ADARB2: variants seen among roughly 807,000 people sequenced by gnomAD.
The protein encoded by ADARB2 is adenosine deaminase RNA specific B2 (inactive), also known as inactive double-stranded RNA-specific editase B2.
A neutral mutation model predicts 62.2 loss-of-function variants in ADARB2; 25 were observed. The ratio of observed to expected loss-of-function variants is 0.40; its 90% CI spans 0.29 to 0.56. The LOEUF is 0.56. ADARB2 is among the 20% of genes least tolerant of loss of function. The pLI, the probability that ADARB2 is intolerant of heterozygous loss-of-function variation, is 0.43. For missense variants in ADARB2, 1,071 were observed against 1,077.4 expected (o/e 0.99, Z 0.08); for synonymous variants, 572 against 500.8 (o/e 1.14, Z -1.90).
At chr10:1,380,572 G>T (rs1335977134) in intron 1 of ADARB2, among the ~76,000 whole-genome samples, 1 of 152,200 alleles carries the variant, frequency 6.6e-6, no homozygotes, top group Non-Finnish European at 1.5e-5. Flanking sequence ...TTTTGAGGCT[G>T]AGCCTGTTTT....
chr10:1,304,933 C>T (rs1418880962), intron 3 of ADARB2, among the ~76,000 whole-genome samples: 1 of 123,992 alleles, frequency 8.1e-6, no homozygotes, highest in African/African-American at 2.7e-5. Context: ...AGGAAAGATC[C>T]AAAATTGACA....
At chr10:1,601,158 T>C (rs17156575) in intron 1 of ADARB2, among the ~76,000 whole-genome samples, 1,605 of 152,306 alleles carry the variant, frequency 0.011, 61 homozygotes, top group Admixed American at 0.066. Flanking sequence ...CCGTCCTCTT[T>C]GGAACACCCA....
chr10:1,476,045 G>T (rs1831395818), intron 1 of ADARB2, among the ~76,000 whole-genome samples: 1 of 152,194 alleles, frequency 6.6e-6, no homozygotes. Flanking sequence ...TTTAACAAAA[G>T]AAATGCATTT....
At chr10:1,658,463 C>A (rs1226241265) in intron 1 of ADARB2, among the ~76,000 whole-genome samples, 1 of 151,992 alleles carries the variant, frequency 6.6e-6, no homozygotes, top group South Asian at 2.1e-4. Context: ...TATCTCTTTT[C>A]TCTCTCTGTC....
chr10:1,493,046 G>A (rs948783494), intron 1 of ADARB2, among the ~76,000 whole-genome samples: 5 of 152,174 alleles, frequency 3.3e-5, no homozygotes, highest in African/African-American at 9.7e-5. Context: ...TAAAGTTTGT[G>A]ACATGACATT....
In ADARB2 at chr10:1,255,761, T is replaced by C. The variant is rs1216140471; in HGVS notation, c.1193-13462A>G. 1.3e-5 allele frequency among the ~76,000 whole-genome samples: 2 copies of C among 152,062 alleles called. No homozygotes were observed. The highest frequency in any genetic ancestry group is 1.3e-4 in the Admixed American group (2 of 15,274). ...GCTAGACAGTGTGACCTCATGAGAG[T>C]GGAGGGGATCCCTCCCAAACAGGTC... On this transcript the variant is annotated intron_variant, in intron 4 of 9. Transcript: ENST00000381312. The surrounding 1 kb of genome is among the most constrained non-coding windows in gnomAD (Gnocchi z 4.7).
At chr10:1,220,177 A>ATGATGGTGGTGATGATGATGATGG (rs1830676211) in intron 6 of ADARB2, among the ~76,000 whole-genome samples, 2 of 72,314 alleles carry the variant, frequency 2.8e-5, no homozygotes, top group African/African-American at 1.2e-4. Context: ...GATGGTGGTG[A>ATGATGGTGGTGATGATGATGATGG]TGATGGTGGT....
chr10:1,351,696 C>T (rs1260482257), intron 3 of ADARB2, among the ~76,000 whole-genome samples: 2 of 152,056 alleles, frequency 1.3e-5, no homozygotes, highest in African/African-American at 4.8e-5. Flanking sequence ...AAAACCTAAT[C>T]ACCGTTACCC....
At chr10:1,419,785 G>A (rs755064266) in intron 1 of ADARB2, among the ~76,000 whole-genome samples, 6 of 152,152 alleles carry the variant, frequency 3.9e-5, no homozygotes, top group Non-Finnish European at 5.9e-5. Flanking sequence ...TTAACTAAGC[G>A]CTTGTTAGCT....
rs1832075444 is a variant in ADARB2 at position 1,521,664 on chromosome 10, A to C, written c.101-142504T>G. Among the ~76,000 whole-genome samples the C allele has an allele frequency of 2.0e-5, 3 of 152,274 alleles. No individual in the cohort carries two copies. In the South Asian group the frequency reaches 6.2e-4, roughly 32 times the overall value. On this transcript the variant is annotated intron_variant, in intron 1 of 9. Coordinates refer to ENST00000381312, the MANE Select transcript of ADARB2 (RefSeq NM_018702.4). ...AAAACTTCGATCTCCACCAACTCTT[A>C]TTGCAACCCAGATGTTTCTTTCTGT... is the stretch of plus-strand genomic sequence containing the variant.
intron 3 of ADARB2, among the ~76,000 whole-genome samples, chr10:1,277,952 C>T (rs947678366): frequency 6.9e-6 from 1 of 145,652 alleles, no homozygotes; most frequent in African/African-American, 2.6e-5. Flanking sequence ...TTCCTTCCTT[C>T]CCCTCTTTCT....
At position 1,544,956 on chromosome 10, in the gene ADARB2, T is replaced by TATACACACAC. The variant is rs10526252; in HGVS notation, c.101-165797_101-165796insGTGTGTGTAT. ...ATGTGAAGTCTATAATAGCAAAGTA[T>TATACACACAC]ACACACACACACACACACACACACA... On this transcript the variant is annotated intron_variant, in intron 1 of 9. Transcript: ENST00000381312. Among the ~76,000 whole-genome samples the TATACACACAC allele has an allele frequency of 3.4e-4, 46 of 133,848 alleles. 1 individual carries two copies. Among genetic ancestry groups the TATACACACAC allele is most frequent in the African/African-American group, 8.2e-4 (30 of 36,460 alleles). The allele number at this position is 133,848 out of a possible 152,430, so 87.8% of individuals were successfully genotyped here.
intron 1 of ADARB2, among the ~76,000 whole-genome samples, chr10:1,652,368 G>C (rs978763606): frequency 5.3e-5 from 8 of 152,176 alleles, no homozygotes; most frequent in Non-Finnish European, 1.2e-4. Context: ...AATTCATTCC[G>C]TGTAATCTCA....
Position 1,587,899 on chromosome 10 carries a change from C to T in ADARB2, c.100+149152G>A, listed in dbSNP as rs910696811. 7.9e-5 allele frequency among the ~76,000 whole-genome samples: 12 copies of T among 152,094 alleles called. 1 individual carries two copies. The highest frequency in any genetic ancestry group is 4.1e-4 in the South Asian group (2 of 4,822). ...TTGGCTCTCATTCTCTCTTGACTGCCGCCATGTAAGATGTGCCTTTCATCC... is the reference window on the plus strand; with the variant it reads ...TTGGCTCTCATTCTCTCTTGACTGCTGCCATGTAAGATGTGCCTTTCATCC... On this transcript the variant is annotated intron_variant, in intron 1 of 9. Coordinates refer to ENST00000381312, the MANE Select transcript of ADARB2 (RefSeq NM_018702.4).
intron 4 of ADARB2, among the ~76,000 whole-genome samples, chr10:1,249,969 A>C (rs1186079462): frequency 6.6e-6 from 1 of 151,572 alleles, no homozygotes; most frequent in Non-Finnish European, 1.5e-5. Flanking sequence ...CTCCATTTAT[A>C]ATGGCAGCAA....
intron 3 of ADARB2, among the ~76,000 whole-genome samples, chr10:1,300,414 C>T (rs1831562826): frequency 1.3e-5 from 2 of 152,190 alleles, no homozygotes; most frequent in Admixed American, 1.3e-4. Flanking sequence ...CCCACACCAC[C>T]TCTCCTTGGG....
chr10:1,399,559 G>A (rs957982382), intron 1 of ADARB2, among the ~76,000 whole-genome samples: 1 of 152,122 alleles, frequency 6.6e-6, no homozygotes, highest in Non-Finnish European at 1.5e-5. Context: ...CTGCCTCTCA[G>A]CTTCCCGGGA....
intron 1 of ADARB2, among the ~76,000 whole-genome samples, chr10:1,569,022 C>A (rs1832898738): frequency 6.6e-6 from 1 of 151,732 alleles, no homozygotes; most frequent in Non-Finnish European, 1.5e-5. Flanking sequence ...CACAGAGAGA[C>A]AGAGACAGAG....
chr10:1,709,744 C>A (rs936862830), intron 1 of ADARB2, among the ~76,000 whole-genome samples: 2 of 152,198 alleles, frequency 1.3e-5, no homozygotes, highest in African/African-American at 4.8e-5. Context: ...ATGCCTAGCT[C>A]TTCTTACAGG....
Sources: gnomAD v4.1 joint callset for allele counts (sites outside exome capture counted in the v4.1 genomes callset) on GRCh38, gnomAD v4.1.1 for gene constraint, Gnocchi (gnomAD v3.1) non-coding constraint, MANE v1.5 for transcripts, NCBI Gene and HGNC (gene_info 2026-07-23, HGNC 2026-07-21) for gene names.